Variants in CCNI2 observed in about 807,000 individuals in gnomAD.
CCNI2 encodes cyclin I family member 2.
A neutral mutation model predicts 33.2 loss-of-function variants in CCNI2; 32 were observed. The observed-to-expected ratio is 0.96, with a 90% CI of 0.73 to 1.30. CCNI2 has a LOEUF of 1.30. Among genes scored for constraint, CCNI2 ranks in the 50% most tolerant of loss-of-function variants. The probability of loss-of-function intolerance (pLI) is 0.00; values close to 1 mark genes in which losing one functional copy is unlikely to be tolerated. For synonymous variants in CCNI2, 231 were observed against 219.9 expected (o/e 1.05, Z -0.45); for missense variants, 452 against 486.2 (o/e 0.93, Z 0.66).
intron 5 of CCNI2, 110 bp downstream of exon 5, chr5:132,752,306 G>A: frequency 7.8e-7 from 1 of 1,279,434 alleles, no homozygotes; most frequent in Non-Finnish European, 1.1e-6. Context: ...AAAATGTTCT[G>A]GCCATAACCC....
rs1581126286 is a variant in CCNI2, at chr5:132,753,083, G to A, written c.*113G>A. On this transcript the variant is annotated 3_prime_UTR_variant, in exon 6 of 6. Transcript: ENST00000378731. ...CCTGTAAAAAGGGAAGGTGGCTCTG[G>A]AAGAGCAACTGAGAAAAAGTTCCCA... The A allele has an allele frequency of 1.7e-5, 14 of 842,916 alleles. No individual in the cohort carries two copies. The East Asian group carries it at 3.6e-4, about 21-fold the overall frequency. The allele number at this position is 842,916 out of a possible 1,614,324, so 52.2% of individuals were successfully genotyped here.
chr5:132,750,718 T>C (rs1214457929), intron 3 of CCNI2, 139 bp from the exon 4 acceptor site: 2 of 820,240 alleles, frequency 2.4e-6, no homozygotes, highest in African/African-American at 3.5e-5. Flanking sequence ...GTTTAGTATT[T>C]CTTTCAGAAG....
At chr5:132,749,930 C>A (rs555940677) in intron 3 of CCNI2, among the ~76,000 whole-genome samples, 1 of 152,116 alleles carries the variant, frequency 6.6e-6, no homozygotes, top group Non-Finnish European at 1.5e-5. Flanking sequence ...TCAGGCATGG[C>A]TGGATGGCTG....
chr5:132,747,508 G>A lies in CCNI2; in HGVS notation c.13G>A (p.Ala5Thr). ...TCCCGCTCACGACATGGCCTCGGGC[G>A]CTCAGCTCCCGCCGCAGCCGTCGAG... Reference protein sequence around the residue: MASGAQLPPQPSSSE... With the variant: MASGTQLPPQPSSSE... Residue 5 changes from alanine (A) to threonine (T), a missense_variant, in exon 1 of 6, where the codon GCT becomes ACT. Coordinates refer to ENST00000378731, the MANE Select transcript of CCNI2 (RefSeq NM_001039780.4). The surrounding 1 kb of genome is among the most constrained non-coding windows in gnomAD (Gnocchi z 4.1). 2.0e-6 allele frequency: 3 copies of A among 1,482,508 alleles called. No homozygotes were observed. Among genetic ancestry groups the A allele is most frequent in the Admixed American group, 2.3e-5 (1 of 43,930 alleles). The allele number at this position is 1,482,508 out of a possible 1,614,324, so 91.8% of individuals were successfully genotyped here.
intron 4 of CCNI2, chr5:132,751,512 T>C (rs1377953797): frequency 1.0e-5 from 2 of 194,740 alleles, no homozygotes; most frequent in African/African-American, 2.4e-5. Flanking sequence ...GGCAAAATTA[T>C]GCAATGTGGA....
intron 4 of CCNI2, 185 bp from the exon 5 acceptor site, chr5:132,751,781 A>AGCTCAGCT: frequency 1.5e-6 from 1 of 679,296 alleles, no homozygotes; most frequent in Non-Finnish European, 2.4e-6. Context: ...CCGGAGTGGA[A>AGCTCAGCT]GCTCAGCTTG....
At chr5:132,754,763 A>G (rs899391314), downstream of CCNI2, among the ~76,000 whole-genome samples, 27 of 152,076 alleles carry the variant, frequency 1.8e-4, no homozygotes, top group Admixed American at 4.6e-4. Context: ...TCCCACCTCA[A>G]CTCAGAGATT....
chr5:132,747,573 C>G lies in CCNI2; in HGVS notation c.78C>G (p.Pro26=), dbSNP rs1396765954. ...CCGTCCAGAGCCCAGGCGGGCGTCCCGGCGCCGGTCTGGAGGAAACAGCCC... is the reference window on the plus strand; with the variant it reads ...CCGTCCAGAGCCCAGGCGGGCGTCCGGGCGCCGGTCTGGAGGAAACAGCCC... The part of the protein sequence containing the change: ...VSAVQSPGGR[P]GAGLEETALG... The change falls in exon 1 of 6, where the codon CCC becomes CCG. Residue 26 remains proline, a synonymous_variant. Coordinates refer to ENST00000378731, the MANE Select transcript of CCNI2 (RefSeq NM_001039780.4). The surrounding 1 kb of genome is among the most constrained non-coding windows in gnomAD (Gnocchi z 4.1). The G allele has an allele frequency of 4.0e-6, 6 of 1,494,792 alleles. No individual in the cohort carries two copies. Among genetic ancestry groups the G allele is most frequent in the South Asian group, 1.3e-5 (1 of 79,866 alleles). The allele number at this position is 1,494,792 out of a possible 1,614,324, so 92.6% of individuals were successfully genotyped here. A position where few individuals can be genotyped will look rare whatever the true frequency, so the allele number is the denominator to read the frequency against.
rs1754639693 is a variant in CCNI2 at position 132,747,505 on chromosome 5, G to A, written c.10G>A (p.Gly4Ser). The change falls in exon 1 of 6, where the codon GGC becomes AGC. Residue 4 changes from glycine (G) to serine (S), a missense_variant. Gly to Ser is a moderately conservative substitution (Grantham distance 56, BLOSUM62 0). Coordinates refer to ENST00000378731, the MANE Select transcript of CCNI2 (RefSeq NM_001039780.4). This position sits in a 1 kb window ranked among gnomAD's most constrained non-coding sequence, Gnocchi z 4.1. Reference sequence around the variant, plus strand: ...GGATCCCGCTCACGACATGGCCTCGGGCGCTCAGCTCCCGCCGCAGCCGTC... The same window carrying A: ...GGATCCCGCTCACGACATGGCCTCGAGCGCTCAGCTCCCGCCGCAGCCGTC... Reference protein sequence around the residue: MASGAQLPPQPSSS... With the variant: MASSAQLPPQPSSS... 1 of 1,482,238 alleles carries A rather than the reference G, an allele frequency of 6.7e-7. No homozygotes were observed. Among genetic ancestry groups the A allele is most frequent in the Admixed American group, 2.3e-5 (1 of 43,930 alleles). The allele number at this position is 1,482,238 out of a possible 1,614,324, so 91.8% of individuals were successfully genotyped here. A position where few individuals can be genotyped will look rare whatever the true frequency, so the allele number is the denominator to read the frequency against.
chr5:132,751,448 T>C (rs1039359993), intron 4 of CCNI2: 2 of 181,964 alleles, frequency 1.1e-5, no homozygotes, highest in African/African-American at 4.8e-5. Context: ...TAGTTTGTAT[T>C]TGTTTTAGTT....
Position 132,747,603 on chromosome 5 carries a change from C to A in CCNI2, c.108C>A (p.Gly36=), listed in dbSNP as rs776524999. The part of the protein sequence containing the change: ...PGAGLEETAL[G]VPLPPSPGEA... ...CCGGTCTGGAGGAAACAGCCCTGGGCGTTCCTCTCCCGCCGTCTCCGGGGG... is the reference window on the plus strand; with the variant it reads ...CCGGTCTGGAGGAAACAGCCCTGGGAGTTCCTCTCCCGCCGTCTCCGGGGG... Residue 36 remains glycine (G), a synonymous_variant, in exon 1 of 6, where the codon GGC becomes GGA. Transcript: ENST00000378731. This position sits in a 1 kb window ranked among gnomAD's most constrained non-coding sequence, Gnocchi z 4.1. 6 of 1,500,590 alleles carry A rather than the reference C, an allele frequency of 4.0e-6. No homozygotes were observed. The highest frequency in any genetic ancestry group is 4.2e-5 in the Admixed American group (2 of 47,114). 93.0% of individuals were successfully genotyped at this position (1,500,590 alleles called of 1,614,324 possible).
In CCNI2 at chr5:132,749,342, C is replaced by T; in HGVS notation, c.559-6C>T. 2 of 1,609,736 alleles carry T rather than the reference C, an allele frequency of 1.2e-6. No homozygotes were observed. Among genetic ancestry groups the T allele is most frequent in the Non-Finnish European group, 1.7e-6 (2 of 1,175,958 alleles). ...TCTGCTCAAATGTGTTTGTTCCATA[C>T]TGCAGGTAAAAGAGAAATACCTGCA... On this transcript the variant is annotated splice_region_variant and splice_polypyrimidine_tract_variant and intron_variant, in intron 2 of 5. Transcript: ENST00000378731.
chr5:132,750,817 C>A (rs111990244), intron 3 of CCNI2, 40 bp from the exon 4 acceptor site: 22 of 1,601,036 alleles, frequency 1.4e-5, no homozygotes, highest in African/African-American at 1.3e-4. Flanking sequence ...GCTACTATGA[C>A]ATGATGTAGG....
intron 4 of CCNI2, 36 bp downstream of exon 4, chr5:132,751,033 C>T (rs1227906841): frequency 1.2e-6 from 2 of 1,604,892 alleles, no homozygotes; most frequent in Admixed American, 3.4e-5. Context: ...CTACCCTAAA[C>T]TCGTTTGTGC....
chr5:132,747,511 C>A lies in CCNI2; in HGVS notation c.16C>A (p.Gln6Lys), dbSNP rs1754639916. The change falls in exon 1 of 6, where the codon CAG becomes AAG. Residue 6 changes from glutamine to lysine, a missense_variant. Transcript: ENST00000378731. This position sits in a 1 kb window ranked among gnomAD's most constrained non-coding sequence, Gnocchi z 4.1. ...CGCTCACGACATGGCCTCGGGCGCT[C>A]AGCTCCCGCCGCAGCCGTCGAGCTC... MASGA[Q>K]LPPQPSSSEV... 10 of 1,483,224 alleles carry A rather than the reference C, an allele frequency of 6.7e-6. No individual in the cohort carries two copies. The highest frequency in any genetic ancestry group is 8.9e-6 in the Non-Finnish European group (10 of 1,124,498). 91.9% of individuals were successfully genotyped at this position (1,483,224 alleles called of 1,614,324 possible).
chr5:132,747,488 C>G lies in CCNI2; in HGVS notation c.-8C>G. 6.9e-7 allele frequency: 1 copy of G among 1,456,976 alleles called. No individual in the cohort carries two copies. Among genetic ancestry groups the G allele is most frequent in the Non-Finnish European group, 9.0e-7 (1 of 1,110,532 alleles). 90.3% of individuals were successfully genotyped at this position (1,456,976 alleles called of 1,614,324 possible). A position where few individuals can be genotyped will look rare whatever the true frequency, so the allele number is the denominator to read the frequency against. On this transcript the variant is annotated 5_prime_UTR_variant, in exon 1 of 6. Transcript: ENST00000378731. The surrounding 1 kb of genome is among the most constrained non-coding windows in gnomAD (Gnocchi z 4.1). ...GCGGCAACTCAGACTCAGGATCCCG[C>G]TCACGACATGGCCTCGGGCGCTCAG...
chr5:132,752,773 ACTTGCTTCATGCTAAC>A (rs369866775), intron 5 of CCNI2, 77 bp from the exon 6 acceptor site: 1 of 1,069,256 alleles, frequency 9.4e-7, no homozygotes, highest in African/African-American at 1.5e-5. Context: ...ACCTTCCTGA[ACTTGCTTCATGCTAAC>A]ATTTTGGCAC....
downstream of CCNI2, chr5:132,754,422 G>C: frequency 1.4e-6 from 1 of 717,448 alleles, no homozygotes; most frequent in South Asian, 1.5e-5. Flanking sequence ...ACCAGTTTAG[G>C]CATCCCAGGC....
At chr5:132,750,536 G>A (rs908227283) in intron 3 of CCNI2, among the ~76,000 whole-genome samples, 1 of 152,186 alleles carries the variant, frequency 6.6e-6, no homozygotes. Flanking sequence ...CTCCTGGAAA[G>A]CTTGGGGTGA....
Sources: gnomAD v4.1 joint callset for allele counts (sites outside exome capture counted in the v4.1 genomes callset) on GRCh38, gnomAD v4.1.1 for gene constraint, Gnocchi (gnomAD v3.1) non-coding constraint, MANE v1.5 for transcripts, NCBI Gene and HGNC (gene_info 2026-07-23, HGNC 2026-07-21) for gene names.